Variants in EMP2 observed in about 807,000 individuals in gnomAD.
The protein encoded by EMP2 is epithelial membrane protein 2.
EMP2 carries 19 observed loss-of-function variants against 13.7 expected under a neutral mutation model. That is an observed-to-expected ratio of 1.38 (90% CI 0.97 to 2.03). The LOEUF (loss-of-function observed/expected upper bound fraction) is 2.03, where lower values mean the gene tolerates loss of function less well. Ranked by LOEUF, EMP2 falls within the 30% of genes most tolerant of loss-of-function variation. EMP2 has a pLI of 0.00. For missense variants in EMP2, 253 were observed against 220.7 expected (o/e 1.15, Z -0.93); for synonymous variants, 97 against 84.7 (o/e 1.15, Z -0.80).
chr16:10,532,213 G>A lies in EMP2; in HGVS notation c.*692C>T, dbSNP rs34039732. ...GTAGGTCTGGGGTGAGGGGGGGGGC[G>A]CTGTAGGTTTTGCCTAAAGACGAGT... On this transcript the variant is annotated 3_prime_UTR_variant, in exon 5 of 5. Coordinates refer to ENST00000359543, the MANE Select transcript of EMP2 (RefSeq NM_001424.6). 6,981 of 154,102 alleles carry A rather than the reference G, an allele frequency of 0.045. 208 individuals are homozygous for A. Among genetic ancestry groups the A allele is most frequent in the Non-Finnish European group, 0.071 (4,869 of 68,098 alleles). The allele number at this position is 154,102 out of a possible 1,614,324, so 9.5% of individuals were successfully genotyped here.
intron 1 of EMP2, among the ~76,000 whole-genome samples, chr16:10,561,646 C>T (rs74007155): frequency 0.095 from 14,454 of 152,188 alleles, 1,271 homozygotes; most frequent in African/African-American, 0.23. Flanking sequence ...TTTCTTCCTG[C>T]AGCATCTCTC....
intron 1 of EMP2, among the ~76,000 whole-genome samples, chr16:10,565,347 T>C (rs1410445693): frequency 6.6e-6 from 1 of 152,186 alleles, no homozygotes; most frequent in Non-Finnish European, 1.5e-5. Context: ...TTGCCCTCCC[T>C]AACGGGCTAT....
chr16:10,566,978 G>T (rs1226674578), intron 1 of EMP2, among the ~76,000 whole-genome samples: 1 of 152,062 alleles, frequency 6.6e-6, no homozygotes, highest in African/African-American at 2.4e-5. Context: ...CCTCTTTCTG[G>T]AATGTTCTTA....
intron 4 of EMP2, 63 bp downstream of exon 4, chr16:10,537,865 G>A (rs533736752): frequency 3.2e-5 from 50 of 1,584,590 alleles, no homozygotes; most frequent in African/African-American, 9.4e-5. Context: ...CCCTCCTGGC[G>A]GCTGGGAAGG....
At chr16:10,574,319 A>C (rs68110242) in intron 1 of EMP2, among the ~76,000 whole-genome samples, 14,612 of 151,748 alleles carry the variant, frequency 0.096, 984 homozygotes, top group African/African-American at 0.18. Flanking sequence ...CCTTTTCTCT[A>C]TTTCTCACCT....
At position 10,547,609 on chromosome 16, in the gene EMP2, C is replaced by T; in HGVS notation, c.9G>A (p.Val3=). 6.2e-7 allele frequency: 1 copy of T among 1,614,116 alleles called. No homozygotes were observed. ML[V]LLAFIIAFHI... ...GGAAGGCGATGATGAAAGCAAGAAG[C>T]ACCAACATTTTCACAGGGCAGGGCG... Residue 3 remains valine (V), a synonymous_variant, in exon 2 of 5, where the codon GTG becomes GTA. Transcript: ENST00000359543.
At chr16:10,557,693 A>G (rs76962401) in intron 1 of EMP2, among the ~76,000 whole-genome samples, 7,923 of 152,280 alleles carry the variant, frequency 0.052, 303 homozygotes, top group East Asian at 0.12. Context: ...TGCATTGTAG[A>G]TACCATGGTG....
rs1454254698 is a variant in EMP2 at position 10,531,983 on chromosome 16, G to A, written c.*922C>T. 6.5e-6 allele frequency: 1 copy of A among 154,798 alleles called. No homozygotes were observed. Among genetic ancestry groups the A allele is most frequent in the Admixed American group, 6.5e-5 (1 of 15,284 alleles). 9.6% of individuals were successfully genotyped at this position (154,798 alleles called of 1,614,324 possible). ...GGGGCCCTAGATGTAGACAGCTGTGGCGATGGAGGCCAAGGTTTTGGCCTG... is the reference window on the plus strand; with the variant it reads ...GGGGCCCTAGATGTAGACAGCTGTGACGATGGAGGCCAAGGTTTTGGCCTG... On this transcript the variant is annotated 3_prime_UTR_variant, in exon 5 of 5. Coordinates refer to ENST00000359543, the MANE Select transcript of EMP2 (RefSeq NM_001424.6).
chr16:10,538,281 A>G (rs541438175), intron 3 of EMP2, among the ~76,000 whole-genome samples: 2 of 152,274 alleles, frequency 1.3e-5, no homozygotes, highest in South Asian at 2.1e-4. Flanking sequence ...ATTTGACTGG[A>G]CAATCCTCGA....
chr16:10,571,340 T>C (rs1596382576), intron 1 of EMP2, among the ~76,000 whole-genome samples: 1 of 116,700 alleles, frequency 8.6e-6, no homozygotes, highest in South Asian at 2.7e-4. Context: ...CAGGGGAGAG[T>C]GATGAGTCCA....
intron 3 of EMP2, among the ~76,000 whole-genome samples, chr16:10,540,087 A>C (rs1419138523): frequency 6.6e-6 from 1 of 152,236 alleles, no homozygotes; most frequent in Non-Finnish European, 1.5e-5. Flanking sequence ...GGTTTCTCAA[A>C]GCTGGGAGGG....
At chr16:10,565,509 G>A (rs1157496180) in intron 1 of EMP2, among the ~76,000 whole-genome samples, 4 of 152,206 alleles carry the variant, frequency 2.6e-5, no homozygotes, top group African/African-American at 9.7e-5. Context: ...TGCAGATTTT[G>A]AACTTGCCAG....
At chr16:10,566,375 G>C (rs1418524464) in intron 1 of EMP2, among the ~76,000 whole-genome samples, 1 of 152,158 alleles carries the variant, frequency 6.6e-6, no homozygotes, top group Non-Finnish European at 1.5e-5. Flanking sequence ...CTGGTTCAAG[G>C]CTGTTGCCTG....
intron 1 of EMP2, among the ~76,000 whole-genome samples, chr16:10,575,237 C>CATTTTTT (rs2050975115): frequency 1.9e-5 from 1 of 52,500 alleles, no homozygotes; most frequent in Non-Finnish European, 3.6e-5. Flanking sequence ...AGCTTGCATT[C>CATTTTTT]TTTTTTTTTT....
intron 1 of EMP2, among the ~76,000 whole-genome samples, chr16:10,558,363 T>C (rs1461364863): frequency 6.6e-6 from 1 of 152,112 alleles, no homozygotes; most frequent in Non-Finnish European, 1.5e-5. Flanking sequence ...GGAAGAAGGA[T>C]AGTGCTCCCA....
intron 4 of EMP2, among the ~76,000 whole-genome samples, chr16:10,535,643 G>C (rs532593970): frequency 6.6e-6 from 1 of 152,080 alleles, no homozygotes; most frequent in Non-Finnish European, 1.5e-5. Flanking sequence ...CCTGGAGGCC[G>C]AGGCTGCAGT....
intron 1 of EMP2, among the ~76,000 whole-genome samples, chr16:10,550,621 G>A (rs1336878952): frequency 1.3e-5 from 2 of 152,100 alleles, no homozygotes; most frequent in East Asian, 1.9e-4. Flanking sequence ...TGCTAACTTT[G>A]ATCACTGGGT....
chr16:10,538,186 G>T, intron 3 of EMP2, 112 bp from the exon 4 acceptor site: 2 of 1,350,948 alleles, frequency 1.5e-6, no homozygotes, highest in Non-Finnish European at 2.0e-6. Context: ...CAAACAGGAA[G>T]GGGTTCAGGC....
chr16:10,537,832 C>T, intron 4 of EMP2, 96 bp downstream of exon 4: 2 of 1,535,128 alleles, frequency 1.3e-6, no homozygotes, highest in Non-Finnish European at 1.8e-6. Flanking sequence ...TTCTCCTTTC[C>T]AAATTCTCCC....
Sources: gnomAD v4.1 joint callset for allele counts (sites outside exome capture counted in the v4.1 genomes callset) on GRCh38, gnomAD v4.1.1 for gene constraint, MANE v1.5 for transcripts, NCBI Gene and HGNC (gene_info 2026-07-23, HGNC 2026-07-21) for gene names.